DTWD1: variants seen among roughly 807,000 people sequenced by gnomAD.
DTWD1 encodes the protein tRNA-uridine aminocarboxypropyltransferase 1.
In DTWD1, 27 loss-of-function variants were observed where a neutral mutation model predicts 30.2. That is an observed-to-expected ratio of 0.90 (90% CI 0.66 to 1.23). DTWD1 has a LOEUF of 1.23. Among genes scored for constraint, DTWD1 ranks in the 50% most tolerant of loss-of-function variants. The probability of loss-of-function intolerance (pLI) is 0.00; values close to 1 mark genes in which losing one functional copy is unlikely to be tolerated. For synonymous variants in DTWD1, 99 were observed against 113.1 expected (o/e 0.88, Z 0.79); for missense variants, 342 against 348.8 (o/e 0.98, Z 0.15).
In DTWD1 at chr15:49,649,131, A is replaced by G. The variant is rs1481053383; in HGVS notation, c.*5553A>G. On this transcript the variant is annotated 3_prime_UTR_variant, in exon 5 of 5. Transcript: ENST00000403028. ...AATTTCAGAACACTGTGGATAGAAAATACTAAAAGATTTCAAACAGAAGAA... is the reference window on the plus strand; with the variant it reads ...AATTTCAGAACACTGTGGATAGAAAGTACTAAAAGATTTCAAACAGAAGAA... 1.3e-5 allele frequency: 2 copies of G among 152,214 alleles called. No homozygotes were observed. Among genetic ancestry groups the G allele is most frequent in the Non-Finnish European group, 2.9e-5 (2 of 68,030 alleles). The allele number at this position is 152,214 out of a possible 1,614,324, so 9.4% of individuals were successfully genotyped here. A position where few individuals can be genotyped will look rare whatever the true frequency, so the allele number is the denominator to read the frequency against.
intron 4 of DTWD1, among the ~76,000 whole-genome samples, chr15:49,639,919 T>C (rs1163521861): frequency 1.3e-5 from 2 of 152,188 alleles, no homozygotes; most frequent in Non-Finnish European, 2.9e-5. Context: ...AGGTTTTGTT[T>C]GTTTGTTTTT....
intron 4 of DTWD1, among the ~76,000 whole-genome samples, chr15:49,636,170 A>G (rs189683132): frequency 1.1e-4 from 17 of 152,276 alleles, no homozygotes; most frequent in African/African-American, 2.4e-4. Flanking sequence ...TTGTTGTAGC[A>G]TGTATCAATA....
At chr15:49,641,282 G>GT (rs2079062221) in intron 4 of DTWD1, among the ~76,000 whole-genome samples, 1 of 151,416 alleles carries the variant, frequency 6.6e-6, no homozygotes, top group South Asian at 2.1e-4. Context: ...TTTGATTGAG[G>GT]TTTTTTCTTA....
chr15:49,632,464 T>TC (rs1166861057), intron 3 of DTWD1, among the ~76,000 whole-genome samples, 162 bp downstream of exon 3: 3 of 152,252 alleles, frequency 2.0e-5, no homozygotes, highest in Non-Finnish European at 4.4e-5. Context: ...ATTGATATCT[T>TC]CAAAGATCAG....
intron 2 of DTWD1, chr15:49,630,894 A>G (rs1180863379): frequency 7.6e-6 from 2 of 262,606 alleles, no homozygotes; most frequent in Non-Finnish European, 1.6e-5. Flanking sequence ...TTAGATTCTC[A>G]TAGGAGCATG....
At position 49,625,202 on chromosome 15, in the gene DTWD1, G is replaced by C; in HGVS notation, c.35G>C (p.Ser12Thr). 6.2e-7 allele frequency: 1 copy of C among 1,613,358 alleles called. No individual in the cohort carries two copies. Among genetic ancestry groups the C allele is most frequent in the East Asian group, 2.2e-5 (1 of 44,786 alleles). The change falls in exon 2 of 5, where the codon AGT becomes ACT. Residue 12 changes from serine (S) to threonine (T), a missense_variant. By Grantham distance (58) the Ser-to-Thr change is moderately conservative. Transcript: ENST00000403028. The part of the protein sequence containing the change: ...SLNPPIFLKR[S>T]EENSSKFVET... ...AATCCACCTATATTTCTCAAACGAAGTGAAGAAAATAGTTCAAAATTTGTG... is the reference window on the plus strand; with the variant it reads ...AATCCACCTATATTTCTCAAACGAACTGAAGAAAATAGTTCAAAATTTGTG...
Position 49,644,821 on chromosome 15 carries a change from A to T in DTWD1, c.*1243A>T, listed in dbSNP as rs1393195290. The T allele has an allele frequency of 6.6e-6, 1 of 152,086 alleles. No individual in the cohort carries two copies. The highest frequency in any genetic ancestry group is 1.5e-5 in the Non-Finnish European group (1 of 67,994). The allele number at this position is 152,086 out of a possible 1,614,324, so 9.4% of individuals were successfully genotyped here. ...GTTATTACTAGCCCCAGTATAGTTC[A>T]CTACAACTTGTTGCTTTACCTAAAC... On this transcript the variant is annotated 3_prime_UTR_variant, in exon 5 of 5. Transcript: ENST00000403028.
chr15:49,646,357 T>C lies in DTWD1; in HGVS notation c.*2779T>C, dbSNP rs547007851. On this transcript the variant is annotated 3_prime_UTR_variant, in exon 5 of 5. Coordinates refer to ENST00000403028, the MANE Select transcript of DTWD1 (RefSeq NM_001144955.2). Reference sequence around the variant, plus strand: ...CATCTTCTTCAAGTACCTTAGAAGATTCTCAGTCTCATGTTTCTTGGGCTC... The same window carrying C: ...CATCTTCTTCAAGTACCTTAGAAGACTCTCAGTCTCATGTTTCTTGGGCTC... 1 of 152,318 alleles carries C rather than the reference T, an allele frequency of 6.6e-6. No homozygotes were observed. The highest frequency in any genetic ancestry group is 2.4e-5 in the African/African-American group (1 of 41,564). 9.4% of individuals were successfully genotyped at this position (152,318 alleles called of 1,614,324 possible).
At position 49,653,584 on chromosome 15, in the gene DTWD1, C is replaced by T. The variant is rs2079164470; in HGVS notation, c.*10006C>T. ...AAACTCTTACTGGAGGATGGGAAGG[C>T]AGTAAATAAATTATTGAATTATTGA... is the stretch of plus-strand genomic sequence containing the variant. On this transcript the variant is annotated 3_prime_UTR_variant, in exon 5 of 5. Coordinates refer to ENST00000403028, the MANE Select transcript of DTWD1 (RefSeq NM_001144955.2). 6.6e-6 allele frequency: 1 copy of T among 151,992 alleles called. No individual in the cohort carries two copies. The highest frequency in any genetic ancestry group is 2.4e-5 in the African/African-American group (1 of 41,390). 9.4% of individuals were successfully genotyped at this position (151,992 alleles called of 1,614,324 possible).
rs2078828956 is a variant in DTWD1 at position 49,625,406 on chromosome 15, C to T, written c.239C>T (p.Pro80Leu). Residue 80 changes from proline (P) to leucine (L), a missense_variant, in exon 2 of 5, where the codon CCT (proline) becomes CTT (leucine). Transcript: ENST00000403028. ...TGTTATGTTCCAGTTGAAAATGTACCTATTGAACAGATTCCACTTGTGAAG... is the reference window on the plus strand; with the variant it reads ...TGTTATGTTCCAGTTGAAAATGTACTTATTGAACAGATTCCACTTGTGAAG... The part of the protein sequence containing the change: ...YTCYVPVENV[P>L]IEQIPLVKLP... 1 of 1,612,958 alleles carries T rather than the reference C, an allele frequency of 6.2e-7. No individual in the cohort carries two copies. The highest frequency in any genetic ancestry group is 8.5e-7 in the Non-Finnish European group (1 of 1,179,436).
Position 49,625,386 on chromosome 15 carries a change from T to A in DTWD1, c.219T>A (p.Tyr73Ter). The A allele has an allele frequency of 5.0e-6, 8 of 1,613,812 alleles. No individual in the cohort carries two copies. The highest frequency in any genetic ancestry group is 6.8e-6 in the Non-Finnish European group (8 of 1,179,838). Residue 73 changes from tyrosine (Y) to a stop codon, truncating the protein, a stop_gained, in exon 2 of 5, where the codon TAT becomes TAA. Transcript: ENST00000403028. LOFTEE classifies it high-confidence loss of function. ...GAATGTTCTACTGCTATACATGTTA[T>A]GTTCCAGTTGAAAATGTACCTATTG... ...GSRMFYCYTC[Y>*]VPVENVPIEQ... is the part of the protein sequence containing the mutation.
chr15:49,622,819 A>G (rs555603581), intron 1 of DTWD1, among the ~76,000 whole-genome samples: 2 of 152,318 alleles, frequency 1.3e-5, no homozygotes, highest in Admixed American at 6.5e-5. Flanking sequence ...CACCTCAGCC[A>G]TAAGTGAGAG....
chr15:49,631,543 G>A (rs1328166996), intron 2 of DTWD1, among the ~76,000 whole-genome samples: 26 of 152,014 alleles, frequency 1.7e-4, no homozygotes, highest in Non-Finnish European at 2.9e-5. Flanking sequence ...CAGGCAGATC[G>A]CTTGAGGTCA....
chr15:49,655,690 C>T lies in DTWD1; in HGVS notation c.*12112C>T, dbSNP rs918051548. On this transcript the variant is annotated 3_prime_UTR_variant, in exon 5 of 5. Coordinates refer to ENST00000403028, the MANE Select transcript of DTWD1 (RefSeq NM_001144955.2). ...TCTAAAGTCTTCACAAAGGATCTTA[C>T]AGCCTTTGATTTTATTATCACTCTG... 5 of 152,010 alleles carry T rather than the reference C, an allele frequency of 3.3e-5. No individual in the cohort carries two copies. The highest frequency in any genetic ancestry group is 7.4e-5 in the Non-Finnish European group (5 of 67,994). 9.4% of individuals were successfully genotyped at this position (152,010 alleles called of 1,614,324 possible). A position where few individuals can be genotyped will look rare whatever the true frequency, so the allele number is the denominator to read the frequency against.
chr15:49,631,837 C>T (rs2078924955), intron 2 of DTWD1, among the ~76,000 whole-genome samples: 1 of 152,120 alleles, frequency 6.6e-6, no homozygotes, highest in African/African-American at 2.4e-5. Flanking sequence ...TTAAAATGTC[C>T]TTGGCACACA....
intron 2 of DTWD1, 162 bp downstream of exon 2, chr15:49,625,593 T>C: frequency 1.4e-6 from 1 of 735,252 alleles, no homozygotes; most frequent in Non-Finnish European, 2.1e-6. Flanking sequence ...AGAAAATTTC[T>C]CAGCAGGGCA....
At position 49,622,439 on chromosome 15, in the gene DTWD1, A is replaced by G. The variant is rs1263753684; in HGVS notation, c.-56+1317A>G. Among the ~76,000 whole-genome samples the G allele has an allele frequency of 2.0e-5, 3 of 152,198 alleles. No homozygotes were observed. The East Asian group carries it at 5.8e-4, about 29-fold the overall frequency. On this transcript the variant is annotated intron_variant, in intron 1 of 4. Transcript: ENST00000403028. ...AAGGTAGATGCAACTTGGTGAGTATAATTAATTTGGGGTGGAAATTGGGTA... is the reference window on the plus strand; with the variant it reads ...AAGGTAGATGCAACTTGGTGAGTATGATTAATTTGGGGTGGAAATTGGGTA...
chr15:49,629,893 T>C (rs905220818), intron 2 of DTWD1: 3 of 152,232 alleles, frequency 2.0e-5, no homozygotes, highest in African/African-American at 7.2e-5. Flanking sequence ...GGAATTCATT[T>C]GTAGGCCAAG....
At position 49,649,079 on chromosome 15, in the gene DTWD1, G is replaced by T. The variant is rs2079137627; in HGVS notation, c.*5501G>T. Reference sequence around the variant, plus strand: ...CATTAAGTCATTAGAGTAAAAAAAAGATGTACATTAAGGCTTATCATCAAG... The same window carrying T: ...CATTAAGTCATTAGAGTAAAAAAAATATGTACATTAAGGCTTATCATCAAG... On this transcript the variant is annotated 3_prime_UTR_variant, in exon 5 of 5. Transcript: ENST00000403028. 6.6e-6 allele frequency: 1 copy of T among 151,910 alleles called. No individual in the cohort carries two copies. The highest frequency in any genetic ancestry group is 2.1e-4 in the South Asian group (1 of 4,824). The allele number at this position is 151,910 out of a possible 1,614,324, so 9.4% of individuals were successfully genotyped here. A position where few individuals can be genotyped will look rare whatever the true frequency, so the allele number is the denominator to read the frequency against.
Sources: allele counts gnomAD v4.1 joint callset (sites outside exome capture counted in the v4.1 genomes callset), GRCh38; gene constraint gnomAD v4.1.1; transcripts MANE v1.5; gene names NCBI Gene and HGNC (gene_info 2026-07-23, HGNC 2026-07-21).